Variants in CCDC148 observed in about 807,000 individuals in gnomAD.
The protein encoded by CCDC148 is coiled-coil domain-containing protein 148.
CCDC148 carries 89 observed loss-of-function variants against 85.7 expected under a neutral mutation model. The ratio of observed to expected loss-of-function variants is 1.04; its 90% confidence interval spans 0.87 to 1.24. The LOEUF (loss-of-function observed/expected upper bound fraction) is 1.24, where lower values mean the gene tolerates loss of function less well. Among genes scored for constraint, CCDC148 ranks in the 50% most tolerant of loss-of-function variants. The pLI is 0.00. For synonymous variants in CCDC148, 230 were observed against 213.9 expected (o/e 1.08, Z -0.66); for missense variants, 692 against 671.7 (o/e 1.03, Z -0.33).
chr2:158,224,927 T>C (rs1438958236), intron 10 of CCDC148, among the ~76,000 whole-genome samples: 1 of 152,040 alleles, frequency 6.6e-6, no homozygotes, highest in African/African-American at 2.4e-5. Flanking sequence ...AACATCATAA[T>C]GACAGGATCA....
intron 9 of CCDC148, among the ~76,000 whole-genome samples, chr2:158,291,615 C>G (rs1413694662): frequency 6.6e-6 from 1 of 152,118 alleles, no homozygotes; most frequent in Admixed American, 6.5e-5. Context: ...CCTCGTTAGG[C>G]TATGTGCTGT....
chr2:158,437,489 GAACT>G (rs1687716522), intron 1 of CCDC148, among the ~76,000 whole-genome samples: 1 of 152,022 alleles, frequency 6.6e-6, no homozygotes, highest in African/African-American at 2.4e-5. Context: ...AAAATAATAA[GAACT>G]ATCTATGACA....
chr2:158,283,487 A>G (rs1690445599), intron 9 of CCDC148, among the ~76,000 whole-genome samples: 1 of 152,264 alleles, frequency 6.6e-6, no homozygotes, highest in East Asian at 1.9e-4. Flanking sequence ...ACACTTCTCA[A>G]AAGAAGACAT....
chr2:158,452,109 GAA>G (rs1453273788), intron 1 of CCDC148, among the ~76,000 whole-genome samples: 9 of 152,248 alleles, frequency 5.9e-5, no homozygotes, highest in Non-Finnish European at 1.2e-4. Context: ...ACTGACAAGA[GAA>G]AAAACATTTA....
At chr2:158,238,323 C>T (rs556685661) in intron 10 of CCDC148, among the ~76,000 whole-genome samples, 1 of 151,926 alleles carries the variant, frequency 6.6e-6, no homozygotes, top group Non-Finnish European at 1.5e-5. Context: ...GAGCATGACA[C>T]GTCATGCACT....
At chr2:158,293,219 G>A (rs1244775560) in intron 9 of CCDC148, among the ~76,000 whole-genome samples, 1 of 152,096 alleles carries the variant, frequency 6.6e-6, no homozygotes, top group Non-Finnish European at 1.5e-5. Context: ...AGACAATATG[G>A]GGGGTGGGGG....
chr2:158,276,714 T>C (rs1207428459), intron 9 of CCDC148, among the ~76,000 whole-genome samples: 1 of 152,196 alleles, frequency 6.6e-6, no homozygotes, highest in Admixed American at 6.5e-5. Flanking sequence ...TGATGAGGAC[T>C]TTTCTTTCAG....
At chr2:158,350,086 T>C (rs1313626553) in intron 2 of CCDC148, among the ~76,000 whole-genome samples, 1 of 152,166 alleles carries the variant, frequency 6.6e-6, no homozygotes, top group Non-Finnish European at 1.5e-5. Flanking sequence ...TGATGTTATT[T>C]AAAATGCCAG....
chr2:158,385,124 C>G lies in CCDC148; in HGVS notation c.26-26554G>C, dbSNP rs533625828. Among the ~76,000 whole-genome samples the G allele has an allele frequency of 2.6e-5, 4 of 152,244 alleles. No individual in the cohort carries two copies. The South Asian group carries it at 8.3e-4, about 32-fold the overall frequency. The stretch of plus-strand genomic sequence containing the variant: ...TTCAAAGCCAGCCATGGATAATCAC[C>G]CTCATGCCAATTCCTTCTCATGGTT... On this transcript the variant is annotated intron_variant, in intron 1 of 13. Coordinates refer to ENST00000283233, the MANE Select transcript of CCDC148 (RefSeq NM_138803.4).
intron 7 of CCDC148, among the ~76,000 whole-genome samples, chr2:158,331,274 C>A (rs1016790952): frequency 6.6e-6 from 1 of 152,190 alleles, no homozygotes; most frequent in Non-Finnish European, 1.5e-5. Flanking sequence ...ACCCAGTAGT[C>A]ATTCAGGAGC....
chr2:158,274,848 T>C (rs1402505659), intron 9 of CCDC148, among the ~76,000 whole-genome samples: 3 of 152,344 alleles, frequency 2.0e-5, no homozygotes, highest in Non-Finnish European at 4.4e-5. Context: ...AATACTACTA[T>C]AGTCCAAGTG....
At chr2:158,358,420 G>GA in intron 2 of CCDC148, 29 bp downstream of exon 2, 1 of 1,584,024 alleles carries the variant, frequency 6.3e-7, no homozygotes, top group Non-Finnish European at 8.5e-7. Flanking sequence ...TCTAAAACTA[G>GA]AAAAACACAT....
chr2:158,205,744 G>A (rs1346251224), intron 11 of CCDC148, among the ~76,000 whole-genome samples: 1 of 152,146 alleles, frequency 6.6e-6, no homozygotes, highest in African/African-American at 2.4e-5. Context: ...TGAGTGATCT[G>A]AACAGCTAAC....
chr2:158,293,563 TG>T (rs1188025601), intron 9 of CCDC148, among the ~76,000 whole-genome samples: 1 of 152,124 alleles, frequency 6.6e-6, no homozygotes, highest in Non-Finnish European at 1.5e-5. Flanking sequence ...CTTAACAAAA[TG>T]TTTTTTTCCC....
chr2:158,359,573 C>G (rs768933266), intron 1 of CCDC148, among the ~76,000 whole-genome samples: 59 of 152,120 alleles, frequency 3.9e-4, no homozygotes, highest in Non-Finnish European at 7.8e-4. Context: ...CCAGGAAGCA[C>G]AAGAAGTTGG....
chr2:158,256,483 A>C lies in CCDC148; in HGVS notation c.1111-5571T>G, dbSNP rs1438402026. 2.0e-5 allele frequency among the ~76,000 whole-genome samples: 3 copies of C among 151,836 alleles called. No homozygotes were observed. In the East Asian group the frequency reaches 5.8e-4, roughly 29 times the overall value. On this transcript the variant is annotated intron_variant, in intron 9 of 13. Coordinates refer to ENST00000283233, the MANE Select transcript of CCDC148 (RefSeq NM_138803.4). Reference sequence around the variant, plus strand: ...ACATCAGTACTTTGTAAACCTTTTAAATAATAATAATTAAACATTAATATT... The same window carrying C: ...ACATCAGTACTTTGTAAACCTTTTACATAATAATAATTAAACATTAATATT...
chr2:158,201,863 T>C (rs1685981698), intron 11 of CCDC148, among the ~76,000 whole-genome samples: 1 of 152,224 alleles, frequency 6.6e-6, no homozygotes, highest in East Asian at 1.9e-4. Flanking sequence ...CCATTCATTT[T>C]CTTAGGTATC....
intron 11 of CCDC148, among the ~76,000 whole-genome samples, chr2:158,193,506 T>C (rs796403327): frequency 1.4e-4 from 22 of 152,086 alleles, no homozygotes; most frequent in African/African-American, 5.3e-4. Flanking sequence ...TCAAAAAGCC[T>C]TGCTCCTCTA....
At chr2:158,358,722 A>C (rs13392313) in intron 1 of CCDC148, 152 bp from the exon 2 acceptor site, 44,632 of 330,066 alleles carry the variant, frequency 0.14, 5,398 homozygotes, top group African/African-American at 0.41. Flanking sequence ...TTAATAATAT[A>C]TTTGAGGCCT....
Sources: allele counts gnomAD v4.1 joint callset (sites outside exome capture counted in the v4.1 genomes callset), GRCh38; gene constraint gnomAD v4.1.1; transcripts MANE v1.5; gene names NCBI Gene and HGNC (gene_info 2026-07-23, HGNC 2026-07-21).